MAN1C1: variants seen among roughly 807,000 people sequenced by gnomAD.
The protein encoded by MAN1C1 is mannosyl-oligosaccharide 1,2-alpha-mannosidase IC.
Under a neutral mutation model 71.5 loss-of-function variants are expected in MAN1C1, and 49 were observed. The observed-to-expected ratio is 0.69, with a 90% CI of 0.54 to 0.87. MAN1C1 has a LOEUF of 0.87. Among genes scored for constraint, MAN1C1 ranks in the 40% least tolerant of loss-of-function variants. The pLI, the probability that MAN1C1 is intolerant of heterozygous loss-of-function variation, is 0.00. For synonymous variants in MAN1C1, 352 were observed against 343.7 expected, an observed-to-expected ratio of 1.02 and a Z score of -0.27; for missense variants, 743 against 835.0, an observed-to-expected ratio of 0.89 and a Z score of 1.36.
chr1:25,707,041 T>G (rs1451469886), intron 2 of MAN1C1, among the ~76,000 whole-genome samples: 1 of 152,188 alleles, frequency 6.6e-6, no homozygotes, highest in Non-Finnish European at 1.5e-5. Context: ...CTTGGCCCAG[T>G]TATCTCTTCC....
chr1:25,750,017 C>T (rs1490546981), intron 4 of MAN1C1, among the ~76,000 whole-genome samples: 1 of 152,216 alleles, frequency 6.6e-6, no homozygotes, highest in African/African-American at 2.4e-5. Flanking sequence ...TACAGGAAGG[C>T]AGAGCTGGTG....
chr1:25,685,344 C>G (rs2046215029), intron 1 of MAN1C1, among the ~76,000 whole-genome samples: 2 of 152,242 alleles, frequency 1.3e-5, no homozygotes. Context: ...TAGGCTGCCT[C>G]CCCATCCACC....
At chr1:25,636,603 C>G (rs1041044017) in intron 1 of MAN1C1, among the ~76,000 whole-genome samples, 6 of 152,156 alleles carry the variant, frequency 3.9e-5, no homozygotes, top group Non-Finnish European at 8.8e-5. Flanking sequence ...TGTTCTTTTT[C>G]AAGGTACACT....
chr1:25,734,413 G>A (rs2046953221), intron 2 of MAN1C1, among the ~76,000 whole-genome samples: 1 of 152,276 alleles, frequency 6.6e-6, no homozygotes, highest in African/African-American at 2.4e-5. Flanking sequence ...ACTGGCATGA[G>A]CCACTGCACC....
intron 1 of MAN1C1, among the ~76,000 whole-genome samples, chr1:25,647,924 C>T (rs1557747950): frequency 6.6e-6 from 1 of 152,130 alleles, no homozygotes; most frequent in Non-Finnish European, 1.5e-5. Flanking sequence ...ACGTTAAAGC[C>T]TCTGGGGTGC....
chr1:25,781,661 C>T (rs898947717), intron 10 of MAN1C1, among the ~76,000 whole-genome samples: 4 of 152,164 alleles, frequency 2.6e-5, no homozygotes, highest in African/African-American at 9.7e-5. Context: ...CCAGCAGGTT[C>T]CCTGGTGGAT....
chr1:25,737,668 G>A (rs2993238), intron 2 of MAN1C1, among the ~76,000 whole-genome samples: 4,806 of 152,182 alleles, frequency 0.032, 255 homozygotes, highest in African/African-American at 0.11. Context: ...ATACAATATC[G>A]TGTACACAGT....
chr1:25,661,859 TG>T (rs2045854297), intron 1 of MAN1C1, among the ~76,000 whole-genome samples: 1 of 152,262 alleles, frequency 6.6e-6, no homozygotes, highest in South Asian at 2.1e-4. Flanking sequence ...CTCATCTATT[TG>T]TTTTGCAAAT....
At chr1:25,671,480 A>G (rs2045991855) in intron 1 of MAN1C1, among the ~76,000 whole-genome samples, 1 of 152,260 alleles carries the variant, frequency 6.6e-6, no homozygotes, top group East Asian at 1.9e-4. Context: ...GGAGACAGAC[A>G]TGAAATAAAT....
intron 1 of MAN1C1, among the ~76,000 whole-genome samples, chr1:25,621,662 C>G (rs1047910249): frequency 6.6e-6 from 1 of 151,466 alleles, no homozygotes; most frequent in Non-Finnish European, 1.5e-5. Flanking sequence ...CTTGCTCTGT[C>G]GTCGAGGCTG....
In MAN1C1 at chr1:25,706,188, C is replaced by G. The variant is rs551019236; in HGVS notation, c.637+19652C>G. ...TAAGGATGCCTGTCCCTTGCTTCCT[C>G]TCTTCCAGCTCTTTACCCTGTGGTC... is the stretch of plus-strand genomic sequence containing the variant. On this transcript the variant is annotated intron_variant, in intron 2 of 11. Transcript: ENST00000374332. Among the ~76,000 whole-genome samples, 246 of 152,320 alleles carry G rather than the reference C, an allele frequency of 1.6e-3. 1 individual carries two copies. Among genetic ancestry groups the G allele is most frequent in the African/African-American group, 5.7e-3 (237 of 41,566 alleles).
In MAN1C1 at chr1:25,782,808, C is replaced by A; in HGVS notation, c.1766+108C>A. The A allele has an allele frequency of 1.2e-6, 1 of 828,538 alleles. No homozygotes were observed. The highest frequency in any genetic ancestry group is 2.0e-6 in the Non-Finnish European group (1 of 504,000). The allele number at this position is 828,538 out of a possible 1,614,324, so 51.3% of individuals were successfully genotyped here. On this transcript the variant is annotated intron_variant, in intron 11 of 11. Transcript: ENST00000374332. This position sits in a 1 kb window ranked among gnomAD's most constrained non-coding sequence, Gnocchi z 4.4. ...GTTCTGTGGTCACAGGACGGGAGCC[C>A]AAAAGGGGTGAAGGGCTTGGGATCC... is the stretch of plus-strand genomic sequence containing the variant.
At chr1:25,625,866 C>T (rs915112063) in intron 1 of MAN1C1, among the ~76,000 whole-genome samples, 2 of 152,102 alleles carry the variant, frequency 1.3e-5, no homozygotes, top group Non-Finnish European at 2.9e-5. Context: ...CAGTCCATGC[C>T]CTGTGGACAA....
At chr1:25,749,942 A>G (rs1366969959) in intron 4 of MAN1C1, among the ~76,000 whole-genome samples, 1 of 152,194 alleles carries the variant, frequency 6.6e-6, no homozygotes, top group East Asian at 1.9e-4. Context: ...TGTATCTGCC[A>G]GTGCCAGGCC....
At chr1:25,750,096 C>A (rs1027976957) in intron 4 of MAN1C1, among the ~76,000 whole-genome samples, 40 of 152,322 alleles carry the variant, frequency 2.6e-4, no homozygotes, top group African/African-American at 8.7e-4. Flanking sequence ...GCTCCTTGTC[C>A]CACCCTGGGC....
At chr1:25,738,095 C>G (rs1572184972) in intron 2 of MAN1C1, among the ~76,000 whole-genome samples, 1 of 151,890 alleles carries the variant, frequency 6.6e-6, no homozygotes, top group Middle Eastern at 3.4e-3. Context: ...GTATCAGCCT[C>G]CAGTAAGAGC....
At chr1:25,657,578 C>T (rs1172444148) in intron 1 of MAN1C1, among the ~76,000 whole-genome samples, 1 of 152,244 alleles carries the variant, frequency 6.6e-6, no homozygotes, top group Non-Finnish European at 1.5e-5. Context: ...GGGCTTCACA[C>T]TCCCTGTGCT....
At position 25,634,367 on chromosome 1, in the gene MAN1C1, G is replaced by T. The variant is rs142295966; in HGVS notation, c.540+16030G>T. ...GTATGATGTTAGATGTAGGTTTTTGGTAGATGCCTTTTATCAAGTTGAAGT... is the reference window on the plus strand; with the variant it reads ...GTATGATGTTAGATGTAGGTTTTTGTTAGATGCCTTTTATCAAGTTGAAGT... On this transcript the variant is annotated intron_variant, in intron 1 of 11. Transcript: ENST00000374332. The surrounding 1 kb of genome is among the most constrained non-coding windows in gnomAD (Gnocchi z 4.6). Among the ~76,000 whole-genome samples the T allele has an allele frequency of 1.4e-3, 212 of 152,266 alleles. 1 individual carries two copies. The highest frequency in any genetic ancestry group is 5.0e-3 in the African/African-American group (209 of 41,564).
chr1:25,699,955 A>G (rs2046417233), intron 2 of MAN1C1, among the ~76,000 whole-genome samples: 2 of 152,184 alleles, frequency 1.3e-5, no homozygotes. Context: ...AACGGTCAGC[A>G]TGAGAACTAT....
Sources: gnomAD v4.1 joint callset for allele counts (sites outside exome capture counted in the v4.1 genomes callset) on GRCh38, gnomAD v4.1.1 for gene constraint, Gnocchi (gnomAD v3.1) non-coding constraint, MANE v1.5 for transcripts, NCBI Gene and HGNC (gene_info 2026-07-23, HGNC 2026-07-21) for gene names.